The following TCP10L variants were observed in gnomAD, a reference collection of about 807,000 sequenced individuals.
The protein encoded by TCP10L is t-complex 10 like, also known as T-complex protein 10A homolog 1.
TCP10L carries 11 observed loss-of-function variants against 19.2 expected under a neutral mutation model. The observed-to-expected ratio is 0.57, with a 90% CI of 0.36 to 0.95. TCP10L has a LOEUF of 0.95. Among genes scored for constraint, TCP10L ranks in the 40% least tolerant of loss-of-function variants. TCP10L has a pLI of 0.01. For synonymous variants in TCP10L, 96 were observed against 97.2 expected (o/e 0.99, Z 0.07); for missense variants, 247 against 263.9 (o/e 0.94, Z 0.44).
chr21:32,579,479 A>C (rs1054399384), intron 3 of TCP10L, among the ~76,000 whole-genome samples: 2 of 152,130 alleles, frequency 1.3e-5, no homozygotes, highest in Non-Finnish European at 2.9e-5. Flanking sequence ...TCAGTCCCTA[A>C]AACGGCGACT....
At position 32,576,216 on chromosome 21, in the gene TCP10L, T is replaced by A; in HGVS notation, c.*558A>T. ...GGAGTCCCCAACTCTGCTCACCAGC[T>A]CCTCCGGCTGCTGCCATCTGCTCCT... On this transcript the variant is annotated 3_prime_UTR_variant, in exon 5 of 5. Coordinates refer to ENST00000300258, the MANE Select transcript of TCP10L (RefSeq NM_144659.7). 2 of 1,494,950 alleles carry A rather than the reference T, an allele frequency of 1.3e-6. No homozygotes were observed. 92.6% of individuals were successfully genotyped at this position (1,494,950 alleles called of 1,614,324 possible).
chr21:32,579,963 A>C (rs1015194563), intron 3 of TCP10L, among the ~76,000 whole-genome samples: 1 of 152,116 alleles, frequency 6.6e-6, no homozygotes, highest in Non-Finnish European at 1.5e-5. Context: ...TGCTGTGCTG[A>C]GAGGCTAAAC....
chr21:32,580,085 C>T (rs1024730375), intron 3 of TCP10L, among the ~76,000 whole-genome samples: 4 of 152,076 alleles, frequency 2.6e-5, no homozygotes, highest in African/African-American at 4.8e-5. Flanking sequence ...TGTAGAGGAA[C>T]TTGTGGCAGT....
rs977442690 is a variant in TCP10L, at chr21:32,574,173, T to G, written c.*2601A>C. The G allele has an allele frequency of 6.6e-6, 1 of 152,194 alleles. No individual in the cohort carries two copies. Among genetic ancestry groups the G allele is most frequent in the Non-Finnish European group, 1.5e-5 (1 of 68,038 alleles). The allele number at this position is 152,194 out of a possible 1,614,324, so 9.4% of individuals were successfully genotyped here. ...TTTTATTGACATTTTTTGTAAAATATAGCATGTTACAAGTGGACCACTAGC... is the reference window on the plus strand; with the variant it reads ...TTTTATTGACATTTTTTGTAAAATAGAGCATGTTACAAGTGGACCACTAGC... On this transcript the variant is annotated 3_prime_UTR_variant, in exon 5 of 5. Coordinates refer to ENST00000300258, the MANE Select transcript of TCP10L (RefSeq NM_144659.7).
Position 32,575,571 on chromosome 21 carries a change from T to C in TCP10L, c.*1203A>G, listed in dbSNP as rs2038421981. The C allele has an allele frequency of 6.6e-6, 1 of 152,396 alleles. No individual in the cohort carries two copies. The highest frequency in any genetic ancestry group is 2.4e-5 in the African/African-American group (1 of 41,412). 9.4% of individuals were successfully genotyped at this position (152,396 alleles called of 1,614,324 possible). A position where few individuals can be genotyped will look rare whatever the true frequency, so the allele number is the denominator to read the frequency against. ...CCACAGGCTTGGGCTGTGCTGTGCATAAGGGCCACACCTGAAGCTCGGCCA... is the reference window on the plus strand; with the variant it reads ...CCACAGGCTTGGGCTGTGCTGTGCACAAGGGCCACACCTGAAGCTCGGCCA... On this transcript the variant is annotated 3_prime_UTR_variant, in exon 5 of 5. Transcript: ENST00000300258.
chr21:32,578,026 G>A lies in TCP10L; in HGVS notation c.498+668C>T, dbSNP rs1179265352. 6.6e-6 allele frequency among the ~76,000 whole-genome samples: 1 copy of A among 152,232 alleles called. No individual in the cohort carries two copies. Among genetic ancestry groups the A allele is most frequent in the Non-Finnish European group, 1.5e-5 (1 of 68,046 alleles). Reference sequence around the variant, plus strand: ...ACAGATCGCTCATGCTACTGTTTGTGGTTTAAGAACGCCTTTAAGCGGTTT... The same window carrying A: ...ACAGATCGCTCATGCTACTGTTTGTAGTTTAAGAACGCCTTTAAGCGGTTT... On this transcript the variant is annotated intron_variant, in intron 4 of 4. Coordinates refer to ENST00000300258, the MANE Select transcript of TCP10L (RefSeq NM_144659.7). This position sits in a 1 kb window ranked among gnomAD's most constrained non-coding sequence, Gnocchi z 4.2.
intron 2 of TCP10L, among the ~76,000 whole-genome samples, chr21:32,583,588 CAAAAAAAAAAAAAA>C (rs771224269): frequency 2.7e-4 from 22 of 82,918 alleles, no homozygotes; most frequent in African/African-American, 8.8e-4. Flanking sequence ...GACTCCGTCT[CAAAAAAAAAAAAAA>C]AAAAAAAAAA....
chr21:32,579,440 G>C (rs907947931), intron 3 of TCP10L, among the ~76,000 whole-genome samples: 5 of 152,142 alleles, frequency 3.3e-5, no homozygotes, highest in Admixed American at 2.0e-4. Context: ...CGCGTTCTGT[G>C]GGTGCTCGAG....
Position 32,576,141 on chromosome 21 carries a change from T to G in TCP10L, c.*633A>C, listed in dbSNP as rs1374188569. 1.1e-6 allele frequency: 1 copy of G among 894,586 alleles called. No individual in the cohort carries two copies. Among genetic ancestry groups the G allele is most frequent in the Non-Finnish European group, 1.7e-6 (1 of 598,474 alleles). 55.4% of individuals were successfully genotyped at this position (894,586 alleles called of 1,614,324 possible). A position where few individuals can be genotyped will look rare whatever the true frequency, so the allele number is the denominator to read the frequency against. ...TCCTTGCCATAGTAAGATGTTCTGC[T>G]CACGCGTATCCACGAGAAAGCCCCG... is the stretch of plus-strand genomic sequence containing the variant. On this transcript the variant is annotated 3_prime_UTR_variant, in exon 5 of 5. Transcript: ENST00000300258.
In TCP10L at chr21:32,582,340, T is replaced by C. The variant is rs188643999; in HGVS notation, c.220A>G (p.Lys74Glu). The C allele has an allele frequency of 6.2e-6, 10 of 1,614,036 alleles. No homozygotes were observed. The East Asian group carries it at 2.0e-4, about 32-fold the overall frequency. The change falls in exon 3 of 5, where the codon AAA (lysine) becomes GAA (glutamate). Residue 74 changes from lysine to glutamate, a missense_variant. Transcript: ENST00000300258. This position sits in a 1 kb window ranked among gnomAD's most constrained non-coding sequence, Gnocchi z 4.2. Reference protein sequence around the residue: ...QKSLWADVHGKLRSHIDALRE... With the variant: ...QKSLWADVHGELRSHIDALRE... ...AAAGCATCTATATGACTCCGGAGTT[T>C]TCCATGAACATCAGCCCACAGAGAC... is the stretch of plus-strand genomic sequence containing the variant.
At position 32,574,290 on chromosome 21, in the gene TCP10L, G is replaced by A. The variant is rs528203659; in HGVS notation, c.*2484C>T. ...TCAAAATGATAAAAAATGAAACTTT[G>A]ACTTGGGAAACTCTTAAGCCATGAA... On this transcript the variant is annotated 3_prime_UTR_variant, in exon 5 of 5. Coordinates refer to ENST00000300258, the MANE Select transcript of TCP10L (RefSeq NM_144659.7). Among the ~76,000 whole-genome samples the A allele has an allele frequency of 1.1e-3, 163 of 152,282 alleles. No homozygotes were observed. The highest frequency in any genetic ancestry group is 3.8e-3 in the African/African-American group (158 of 41,578).
At chr21:32,584,115 G>A (rs1369188791) in intron 2 of TCP10L, 46 bp downstream of exon 2, 2 of 1,568,198 alleles carry the variant, frequency 1.3e-6, no homozygotes, top group Non-Finnish European at 1.7e-6. Flanking sequence ...AGGAATCAGG[G>A]TCCCGCCTGG....
At position 32,576,858 on chromosome 21, in the gene TCP10L, T is replaced by C. The variant is rs753790126; in HGVS notation, c.564A>G (p.Lys188=). ...TGTCTTGACGTCTCCTGGAAAGATT[T>C]TTATCTCTATTTTCCTGTGGTGGTG... ...WKTPPQENRD[K]NLSRRRQDRR... Residue 188 remains lysine (K), a synonymous_variant, in exon 5 of 5, where the codon AAA becomes AAG. Transcript: ENST00000300258. 1 of 1,614,222 alleles carries C rather than the reference T, an allele frequency of 6.2e-7. No individual in the cohort carries two copies. The highest frequency in any genetic ancestry group is 1.7e-5 in the Admixed American group (1 of 60,030).
At position 32,575,219 on chromosome 21, in the gene TCP10L, C is replaced by T. The variant is rs540063419; in HGVS notation, c.*1555G>A. The T allele has an allele frequency of 1.7e-4, 26 of 153,350 alleles. No homozygotes were observed. Among genetic ancestry groups the T allele is most frequent in the Non-Finnish European group, 2.3e-4 (16 of 68,934 alleles). 9.5% of individuals were successfully genotyped at this position (153,350 alleles called of 1,614,324 possible). A position where few individuals can be genotyped will look rare whatever the true frequency, so the allele number is the denominator to read the frequency against. On this transcript the variant is annotated 3_prime_UTR_variant, in exon 5 of 5. Coordinates refer to ENST00000300258, the MANE Select transcript of TCP10L (RefSeq NM_144659.7). Reference sequence around the variant, plus strand: ...CCAGCAAGTACACTGAAGTCTTGTCCGGGGGCCTGAAGGGGAGGGGACAGC... The same window carrying T: ...CCAGCAAGTACACTGAAGTCTTGTCTGGGGGCCTGAAGGGGAGGGGACAGC...
chr21:32,584,119 C>T (rs759922875), intron 2 of TCP10L, 42 bp downstream of exon 2: 133 of 1,577,532 alleles, frequency 8.4e-5, no homozygotes, highest in Non-Finnish European at 9.9e-5. Context: ...ATCAGGGTCC[C>T]GCCTGGTGGG....
Position 32,576,314 on chromosome 21 carries a change from G to T in TCP10L, c.*460C>A, listed in dbSNP as rs2038433050. 2.6e-6 allele frequency: 4 copies of T among 1,552,166 alleles called. No individual in the cohort carries two copies. In the African/African-American group the frequency reaches 4.1e-5, roughly 16 times the overall value. On this transcript the variant is annotated 3_prime_UTR_variant, in exon 5 of 5. Transcript: ENST00000300258. ...AAGTTTTGCAGACTTCGGGAAGATG[G>T]ATGCATAGCCTGGGGCAATGACAGT...
intron 2 of TCP10L, among the ~76,000 whole-genome samples, chr21:32,583,385 C>T (rs1418022745): frequency 1.3e-5 from 2 of 151,492 alleles, no homozygotes; most frequent in African/African-American, 2.4e-5. Context: ...GTCAGGAGAT[C>T]GAGACCATCC....
rs973785105 is a variant in TCP10L at position 32,576,217 on chromosome 21, C to T, written c.*557G>A. The T allele has an allele frequency of 6.7e-5, 100 of 1,500,418 alleles. No homozygotes were observed. Among genetic ancestry groups the T allele is most frequent in the Non-Finnish European group, 8.6e-5 (94 of 1,095,058 alleles). The allele number at this position is 1,500,418 out of a possible 1,614,324, so 92.9% of individuals were successfully genotyped here. A position where few individuals can be genotyped will look rare whatever the true frequency, so the allele number is the denominator to read the frequency against. The stretch of plus-strand genomic sequence containing the variant: ...GAGTCCCCAACTCTGCTCACCAGCT[C>T]CTCCGGCTGCTGCCATCTGCTCCTG... On this transcript the variant is annotated 3_prime_UTR_variant, in exon 5 of 5. Coordinates refer to ENST00000300258, the MANE Select transcript of TCP10L (RefSeq NM_144659.7).
At chr21:32,579,282 C>T (rs773686662) in intron 3 of TCP10L, among the ~76,000 whole-genome samples, 23 of 152,192 alleles carry the variant, frequency 1.5e-4, no homozygotes, top group Non-Finnish European at 2.9e-4. Context: ...GGTGATCCTT[C>T]AGGTGGGATG....
Sources: allele counts gnomAD v4.1 joint callset (sites outside exome capture counted in the v4.1 genomes callset), GRCh38; gene constraint gnomAD v4.1.1; non-coding constraint Gnocchi (gnomAD v3.1); transcripts MANE v1.5; gene names NCBI Gene and HGNC (gene_info 2026-07-23, HGNC 2026-07-21).